FTO: variants seen among roughly 807,000 people sequenced by gnomAD.
FTO encodes the protein FTO alpha-ketoglutarate dependent dioxygenase.
Under a neutral mutation model 63.9 loss-of-function variants are expected in FTO, and 47 were observed. That is an observed-to-expected ratio of 0.74 (90% CI 0.58 to 0.94). The LOEUF (loss-of-function observed/expected upper bound fraction) is 0.94. Among genes scored for constraint, FTO ranks in the 40% least tolerant of loss-of-function variants. FTO has a pLI of 0.00. For synonymous variants in FTO, 207 were observed against 224.4 expected, an observed-to-expected ratio of 0.92 and a Z score of 0.69; for missense variants, 562 against 618.1, an observed-to-expected ratio of 0.91 and a Z score of 0.96.
chr16:53,944,477 G>A (rs923508948), intron 8 of FTO, among the ~76,000 whole-genome samples: 3 of 152,216 alleles, frequency 2.0e-5, no homozygotes, highest in African/African-American at 7.2e-5. Flanking sequence ...TATAAAAGTT[G>A]TGCTACCTTC....
At chr16:53,767,965 T>C (rs756611536) in intron 1 of FTO, among the ~76,000 whole-genome samples, 12 of 152,240 alleles carry the variant, frequency 7.9e-5, no homozygotes, top group Non-Finnish European at 1.0e-4. Flanking sequence ...TGAGTTAATA[T>C]AGGCTAAGGT....
chr16:53,980,573 G>T (rs2083519884), intron 8 of FTO, among the ~76,000 whole-genome samples: 1 of 152,152 alleles, frequency 6.6e-6, no homozygotes, highest in East Asian at 1.9e-4. Flanking sequence ...CTGCTCAACT[G>T]CCTGAACAAC....
intron 8 of FTO, among the ~76,000 whole-genome samples, chr16:54,057,712 C>CA (rs1180423114): frequency 2.2e-4 from 33 of 150,980 alleles, no homozygotes; most frequent in African/African-American, 7.1e-4. Flanking sequence ...TTTAAATGAC[C>CA]AAAAAAAATG....
intron 8 of FTO, among the ~76,000 whole-genome samples, chr16:54,084,279 C>T (rs2086212402): frequency 6.6e-6 from 1 of 152,168 alleles, no homozygotes; most frequent in Non-Finnish European, 1.5e-5. Flanking sequence ...AACAAAGTAG[C>T]AGGTACTTGA....
At position 54,117,392 on chromosome 16, in the gene FTO, T is replaced by C. The variant is rs182491669; in HGVS notation, c.*5477T>C. 1 of 152,324 alleles carries C rather than the reference T, an allele frequency of 6.6e-6. No homozygotes were observed. The highest frequency in any genetic ancestry group is 1.9e-4 in the East Asian group (1 of 5,190). 9.4% of individuals were successfully genotyped at this position (152,324 alleles called of 1,614,324 possible). On this transcript the variant is annotated 3_prime_UTR_variant, in exon 9 of 9. Coordinates refer to ENST00000471389, the MANE Select transcript of FTO (RefSeq NM_001080432.3). ...CTTAACCCCTCTGCGCTCCAGTCTT[T>C]GTTTCTATAATGGGGATGATGATAA...
At chr16:53,761,073 C>G (rs1442840847) in intron 1 of FTO, among the ~76,000 whole-genome samples, 1 of 147,562 alleles carries the variant, frequency 6.8e-6, no homozygotes, top group African/African-American at 2.5e-5. Context: ...TTCTTCCTTC[C>G]TCGGTTCCTT....
chr16:54,060,129 C>A (rs527745345), intron 8 of FTO, among the ~76,000 whole-genome samples: 2 of 152,106 alleles, frequency 1.3e-5, no homozygotes, highest in South Asian at 4.1e-4. Context: ...AACTTGATAA[C>A]GTGACCATTT....
chr16:54,084,796 TGA>T (rs1398809452), intron 8 of FTO, among the ~76,000 whole-genome samples: 6 of 152,138 alleles, frequency 3.9e-5, no homozygotes, highest in Non-Finnish European at 5.9e-5. Flanking sequence ...GGAGGGCTGC[TGA>T]GAGGGGGTAA....
At chr16:53,927,518 G>A (rs182615693) in intron 7 of FTO, among the ~76,000 whole-genome samples, 256 of 152,286 alleles carry the variant, frequency 1.7e-3, no homozygotes, top group Non-Finnish European at 3.0e-3. Flanking sequence ...AGGTAGAAGC[G>A]TAGAGATGTC....
At chr16:53,968,748 C>A (rs772867873) in intron 8 of FTO, among the ~76,000 whole-genome samples, 1 of 152,176 alleles carries the variant, frequency 6.6e-6, no homozygotes, top group Non-Finnish European at 1.5e-5. Context: ...GAGCTGGGGA[C>A]CTCATCCTAT....
intron 8 of FTO, among the ~76,000 whole-genome samples, chr16:54,001,328 G>C (rs918119923): frequency 6.6e-6 from 1 of 152,218 alleles, no homozygotes. Context: ...GTGTGAAACG[G>C]GAGTCAGGAA....
Position 53,782,139 on chromosome 16 carries a change from T to TA in FTO, c.46-27999dup, listed in dbSNP as rs557156139. ...TTCATGAAGCCTCTGAAACTCAGCT[T>TA]AAGAGTCCATACCAACCAAGGTCCT... On this transcript the variant is annotated intron_variant, in intron 1 of 8. Transcript: ENST00000471389. Among the ~76,000 whole-genome samples the TA allele has an allele frequency of 3.7e-4, 56 of 152,336 alleles. No individual in the cohort carries two copies. The South Asian group carries it at 0.011, about 31-fold the overall frequency.
At chr16:53,977,487 T>C (rs746257861) in intron 8 of FTO, among the ~76,000 whole-genome samples, 2 of 152,232 alleles carry the variant, frequency 1.3e-5, no homozygotes, top group South Asian at 4.1e-4. Flanking sequence ...ATTCCTAACA[T>C]TTCTGTGATG....
chr16:54,084,835 A>T (rs1324028807), intron 8 of FTO, among the ~76,000 whole-genome samples: 2 of 152,206 alleles, frequency 1.3e-5, no homozygotes, highest in Non-Finnish European at 2.9e-5. Flanking sequence ...GCTGCTTCAG[A>T]TGCCTGGGAG....
intron 8 of FTO, among the ~76,000 whole-genome samples, chr16:54,056,606 T>C (rs2085439422): frequency 6.6e-6 from 1 of 152,198 alleles, no homozygotes; most frequent in African/African-American, 2.4e-5. Flanking sequence ...AGTTCTACAT[T>C]GTGAGCAACC....
chr16:54,086,842 T>G (rs1300240996), intron 8 of FTO, among the ~76,000 whole-genome samples: 1 of 152,180 alleles, frequency 6.6e-6, no homozygotes, highest in Non-Finnish European at 1.5e-5. Context: ...AAGCAAACAC[T>G]TAGGGGAGGG....
intron 1 of FTO, among the ~76,000 whole-genome samples, chr16:53,723,162 T>G (rs1305412850): frequency 6.6e-6 from 1 of 152,218 alleles, no homozygotes; most frequent in Non-Finnish European, 1.5e-5. Context: ...GATATATATT[T>G]TATGTCTGCA....
chr16:53,734,991 G>A (rs530235076), intron 1 of FTO, among the ~76,000 whole-genome samples: 14 of 152,340 alleles, frequency 9.2e-5, no homozygotes, highest in African/African-American at 2.9e-4. Context: ...AAGGGAATGC[G>A]ATTCCTACGC....
At chr16:53,942,549 C>G (rs1351525999) in intron 8 of FTO, among the ~76,000 whole-genome samples, 4 of 152,184 alleles carry the variant, frequency 2.6e-5, no homozygotes, top group Admixed American at 6.5e-5. Context: ...GGTTTTAGTT[C>G]AGTAGGGATA....
Sources: gnomAD v4.1 joint callset for allele counts (sites outside exome capture counted in the v4.1 genomes callset) on GRCh38, gnomAD v4.1.1 for gene constraint, MANE v1.5 for transcripts, NCBI Gene and HGNC (gene_info 2026-07-23, HGNC 2026-07-21) for gene names.